NRCAM: variants seen among roughly 807,000 people sequenced by gnomAD.
NRCAM encodes the protein neuronal cell adhesion molecule, also known as NgCAM-related cell adhesion molecule.
Under a neutral mutation model 156.5 loss-of-function variants are expected in NRCAM, and 83 were observed. The observed-to-expected ratio is 0.53, with a 90% CI of 0.44 to 0.64. The LOEUF (loss-of-function observed/expected upper bound fraction) is 0.64. Among genes scored for constraint, NRCAM ranks in the 30% least tolerant of loss-of-function variants. The pLI, the probability that NRCAM is intolerant of heterozygous loss-of-function variation, is 0.00. For missense variants in NRCAM, 1,417 were observed against 1,597.3 expected (o/e 0.89, Z 1.92); for synonymous variants, 538 against 563.9 (o/e 0.95, Z 0.65).
Position 108,244,736 on chromosome 7 carries a change from G to A in NRCAM, c.-106-4566C>T, listed in dbSNP as rs116760478. Reference sequence around the variant, plus strand: ...TTTCTAATTTCCTCCTAGTCCAAAGGAATCTTCCACAGTAGAGGCTCTACC... The same window carrying A: ...TTTCTAATTTCCTCCTAGTCCAAAGAAATCTTCCACAGTAGAGGCTCTACC... On this transcript the variant is annotated intron_variant, in intron 3 of 32. Transcript: ENST00000379028. 1.0e-3 allele frequency among the ~76,000 whole-genome samples: 159 copies of A among 152,244 alleles called. 1 individual carries two copies. The highest frequency in any genetic ancestry group is 3.7e-3 in the African/African-American group (154 of 41,550).
intron 2 of NRCAM, among the ~76,000 whole-genome samples, chr7:108,317,571 A>C (rs952437362): frequency 2.0e-5 from 3 of 152,164 alleles, no homozygotes; most frequent in Non-Finnish European, 4.4e-5. Context: ...CAAATACAGA[A>C]GGCTCTGTGT....
At chr7:108,294,277 A>T (rs755763468) in intron 3 of NRCAM, among the ~76,000 whole-genome samples, 3 of 142,682 alleles carry the variant, frequency 2.1e-5, no homozygotes, top group Non-Finnish European at 4.5e-5. Context: ...AGTGTCACCA[A>T]CCCACTTGGA....
In NRCAM at chr7:108,228,944, C is replaced by T. The variant is rs574039544; in HGVS notation, c.550+2087G>A. Among the ~76,000 whole-genome samples the T allele has an allele frequency of 2.0e-5, 3 of 152,078 alleles. No individual in the cohort carries two copies. In the South Asian group the frequency reaches 6.2e-4, roughly 32 times the overall value. On this transcript the variant is annotated intron_variant, in intron 8 of 32. Coordinates refer to ENST00000379028, the MANE Select transcript of NRCAM (RefSeq NM_001037132.4). ...CTTTCATATAAGGAGAGCCAAAATG[C>T]ATCCCAGAACTTAAAGTAAAATAAA...
intron 2 of NRCAM, among the ~76,000 whole-genome samples, chr7:108,348,977 G>A (rs2099391038): frequency 6.6e-6 from 1 of 151,920 alleles, no homozygotes; most frequent in Non-Finnish European, 1.5e-5. Flanking sequence ...AGGATGGGGG[G>A]GAATGTATTG....
chr7:108,279,983 C>T (rs916846574), intron 3 of NRCAM, among the ~76,000 whole-genome samples: 1 of 152,136 alleles, frequency 6.6e-6, no homozygotes, highest in African/African-American at 2.4e-5. Flanking sequence ...ACACTGGTGT[C>T]CCACATGTTC....
chr7:108,402,504 G>C (rs2099795614), intron 1 of NRCAM, among the ~76,000 whole-genome samples: 1 of 152,182 alleles, frequency 6.6e-6, no homozygotes, highest in Non-Finnish European at 1.5e-5. Context: ...AAACAGAAGA[G>C]TGGTATTAAA....
chr7:108,279,079 T>C (rs2097760369), intron 3 of NRCAM, among the ~76,000 whole-genome samples: 1 of 152,184 alleles, frequency 6.6e-6, no homozygotes, highest in South Asian at 2.1e-4. Context: ...CTTTCCATTA[T>C]ACCAGGTGAC....
intron 2 of NRCAM, among the ~76,000 whole-genome samples, chr7:108,395,943 T>C (rs934001672): frequency 4.6e-5 from 7 of 152,174 alleles, no homozygotes; most frequent in African/African-American, 1.2e-4. Flanking sequence ...TCTGCAATAG[T>C]TTCCATATCT....
Position 108,384,046 on chromosome 7 carries a change from A to G in NRCAM, c.-174+15390T>C, listed in dbSNP as rs1056723043. ...AGCTCTTATAAGTGGGAGCTAAATG[A>G]TAAGAACTTATGAAAACAAAGAAGG... On this transcript the variant is annotated intron_variant, in intron 2 of 32. Coordinates refer to ENST00000379028, the MANE Select transcript of NRCAM (RefSeq NM_001037132.4). Among the ~76,000 whole-genome samples, 7 of 152,270 alleles carry G rather than the reference A, an allele frequency of 4.6e-5. No homozygotes were observed. The South Asian group carries it at 1.2e-3, about 27-fold the overall frequency.
chr7:108,255,759 G>A (rs1420678660), intron 3 of NRCAM, among the ~76,000 whole-genome samples: 1 of 149,874 alleles, frequency 6.7e-6, no homozygotes, highest in Non-Finnish European at 1.5e-5. Flanking sequence ...TGGGATCTGA[G>A]GAGTGTCTCT....
chr7:108,414,819 C>G (rs1371216343), intron 1 of NRCAM, among the ~76,000 whole-genome samples: 1 of 152,060 alleles, frequency 6.6e-6, no homozygotes, highest in African/African-American at 2.4e-5. Context: ...GGAGTGTGTT[C>G]CCTGGAGAAG....
intron 3 of NRCAM, among the ~76,000 whole-genome samples, chr7:108,278,564 C>A (rs761582003): frequency 3.9e-5 from 6 of 152,054 alleles, no homozygotes; most frequent in Non-Finnish European, 5.9e-5. Context: ...ACCTGCCACA[C>A]CAGGCACAGG....
intron 5 of NRCAM, among the ~76,000 whole-genome samples, chr7:108,237,390 C>G (rs951141810): frequency 6.6e-6 from 1 of 152,180 alleles, no homozygotes; most frequent in Non-Finnish European, 1.5e-5. Flanking sequence ...CTAAAAGACA[C>G]AAAAAGACCT....
At chr7:108,299,255 G>A (rs1419527313) in intron 3 of NRCAM, among the ~76,000 whole-genome samples, 1 of 151,538 alleles carries the variant, frequency 6.6e-6, no homozygotes, top group Non-Finnish European at 1.5e-5. Context: ...CTGAGAAGCA[G>A]TAGTTACCGA....
At position 108,148,309 on chromosome 7, in the gene NRCAM, T is replaced by C. The variant is rs1278595573; in HGVS notation, c.*1601A>G. On this transcript the variant is annotated 3_prime_UTR_variant, in exon 33 of 33. Coordinates refer to ENST00000379028, the MANE Select transcript of NRCAM (RefSeq NM_001037132.4). Reference sequence around the variant, plus strand: ...CTCTTATACAGTACAACATAAACATTGCATGTTTATTTGTATGTAACACCT... The same window carrying C: ...CTCTTATACAGTACAACATAAACATCGCATGTTTATTTGTATGTAACACCT... The C allele has an allele frequency of 1.3e-5, 2 of 152,656 alleles. No individual in the cohort carries two copies. The highest frequency in any genetic ancestry group is 2.9e-5 in the Non-Finnish European group (2 of 68,038). The allele number at this position is 152,656 out of a possible 1,614,324, so 9.5% of individuals were successfully genotyped here.
At chr7:108,396,394 T>G (rs1193258519) in intron 2 of NRCAM, among the ~76,000 whole-genome samples, 1 of 152,210 alleles carries the variant, frequency 6.6e-6, no homozygotes, top group African/African-American at 2.4e-5. Context: ...CAAGACCACC[T>G]ACAACTCGCG....
chr7:108,301,634 G>A (rs1469349853), intron 3 of NRCAM, among the ~76,000 whole-genome samples: 2 of 152,094 alleles, frequency 1.3e-5, no homozygotes, highest in African/African-American at 2.4e-5. Flanking sequence ...CTATGGACAT[G>A]AGAAGTAGAA....
intron 2 of NRCAM, among the ~76,000 whole-genome samples, chr7:108,351,114 C>G (rs1256692870): frequency 6.6e-6 from 1 of 152,142 alleles, no homozygotes; most frequent in Non-Finnish European, 1.5e-5. Context: ...CAAGTGGGAC[C>G]TTAAAGAGCT....
chr7:108,202,842 A>G (rs1260312668), intron 13 of NRCAM, among the ~76,000 whole-genome samples: 2 of 152,184 alleles, frequency 1.3e-5, no homozygotes, highest in Admixed American at 1.3e-4. Flanking sequence ...CTGAGAGGAC[A>G]GGGGCCTTTT....
Sources: allele counts gnomAD v4.1 joint callset (sites outside exome capture counted in the v4.1 genomes callset), GRCh38; gene constraint gnomAD v4.1.1; transcripts MANE v1.5; gene names NCBI Gene and HGNC (gene_info 2026-07-23, HGNC 2026-07-21).